GRM1: variants seen among roughly 807,000 people sequenced by gnomAD.
GRM1 encodes glutamate metabotropic receptor 1.
In GRM1, 33 loss-of-function variants were observed where a neutral mutation model predicts 90.9. That is an observed-to-expected ratio of 0.36 (90% CI 0.28 to 0.49). The LOEUF (loss-of-function observed/expected upper bound fraction) is 0.49, where lower values mean the gene tolerates loss of function less well. Among genes scored for constraint, GRM1 ranks in the 20% least tolerant of loss-of-function variants. The pLI, the probability that GRM1 is intolerant of heterozygous loss-of-function variation, is 0.99. For synonymous variants in GRM1, 700 were observed against 613.2 expected (o/e 1.14, Z -2.09); for missense variants, 1,190 against 1,534.3 (o/e 0.78, Z 3.75).
At chr6:146,236,420 G>A (rs1780647665) in intron 2 of GRM1, among the ~76,000 whole-genome samples, 1 of 152,120 alleles carries the variant, frequency 6.6e-6, no homozygotes, top group African/African-American at 2.4e-5. Context: ...CCTTGGAGAA[G>A]TGTTCGTTCT....
At chr6:146,140,117 C>CTTTCTTTCTT (rs1776805623) in intron 1 of GRM1, among the ~76,000 whole-genome samples, 1 of 118,462 alleles carries the variant, frequency 8.4e-6, no homozygotes, top group Non-Finnish European at 1.7e-5. Context: ...TTCTTTCTTT[C>CTTTCTTTCTT]TTTCTTTCTT....
At chr6:146,419,026 T>C (rs533873589) in intron 7 of GRM1, among the ~76,000 whole-genome samples, 34 of 152,240 alleles carry the variant, frequency 2.2e-4, no homozygotes, top group Admixed American at 1.9e-3. Context: ...GAATTAACAT[T>C]AATAACATAT....
chr6:146,230,485 A>G lies in GRM1; in HGVS notation c.950+70888A>G, dbSNP rs542454720. Among the ~76,000 whole-genome samples the G allele has an allele frequency of 1.8e-4, 27 of 152,300 alleles. No homozygotes were observed. The South Asian group carries it at 5.4e-3, about 30-fold the overall frequency. Reference sequence around the variant, plus strand: ...GAGATATCACCACAAACCTATTAGAATGGCCAAAATCCAGAACACTGACAA... The same window carrying G: ...GAGATATCACCACAAACCTATTAGAGTGGCCAAAATCCAGAACACTGACAA... On this transcript the variant is annotated intron_variant, in intron 2 of 7. Coordinates refer to ENST00000282753, the MANE Select transcript of GRM1 (RefSeq NM_001278064.2).
At chr6:146,206,414 T>G (rs538771794) in intron 2 of GRM1, among the ~76,000 whole-genome samples, 29 of 152,216 alleles carry the variant, frequency 1.9e-4, no homozygotes, top group Admixed American at 3.3e-4. Context: ...AGGGTTATCA[T>G]TCCTTAATAT....
intron 2 of GRM1, among the ~76,000 whole-genome samples, chr6:146,299,213 C>T (rs1032636002): frequency 2.6e-5 from 4 of 152,152 alleles, no homozygotes; most frequent in African/African-American, 7.2e-5. Context: ...TATTACGTGA[C>T]TCTTTAAAAA....
Position 146,435,100 on chromosome 6 carries a change from T to G in GRM1, c.*304T>G. The stretch of plus-strand genomic sequence containing the variant: ...TATGTAACTTTTATCACAAATCAAA[T>G]AGTGACATCACAAACATAATGTCCT... On this transcript the variant is annotated 3_prime_UTR_variant, in exon 8 of 8. Transcript: ENST00000282753. 2.0e-6 allele frequency: 1 copy of G among 499,870 alleles called. No homozygotes were observed. Among genetic ancestry groups the G allele is most frequent in the Non-Finnish European group, 3.7e-6 (1 of 273,610 alleles). 31.0% of individuals were successfully genotyped at this position (499,870 alleles called of 1,614,324 possible).
chr6:146,225,190 A>G (rs1780197338), intron 2 of GRM1, among the ~76,000 whole-genome samples: 1 of 152,092 alleles, frequency 6.6e-6, no homozygotes, highest in African/African-American at 2.4e-5. Context: ...CATGTGTGGG[A>G]GTGCGATCCT....
At chr6:146,253,058 C>CA (rs397826514) in intron 2 of GRM1, among the ~76,000 whole-genome samples, 31,000 of 147,596 alleles carry the variant, frequency 0.21, 7,015 homozygotes, top group African/African-American at 0.57. Flanking sequence ...ATCTCCATCT[C>CA]AAAAAAAAAA....
At chr6:146,318,772 T>G (rs965073200) in intron 3 of GRM1, among the ~76,000 whole-genome samples, 3 of 152,196 alleles carry the variant, frequency 2.0e-5, no homozygotes, top group Non-Finnish European at 4.4e-5. Flanking sequence ...GAGCTTTTTT[T>G]CATGTTTGTT....
chr6:146,284,545 G>A (rs1782690009), intron 2 of GRM1, among the ~76,000 whole-genome samples: 2 of 152,140 alleles, frequency 1.3e-5, no homozygotes, highest in Non-Finnish European at 2.9e-5. Context: ...ATCTCGCCTG[G>A]TATTGTAATC....
At chr6:146,334,527 G>C (rs565139746) in intron 3 of GRM1, among the ~76,000 whole-genome samples, 1 of 151,982 alleles carries the variant, frequency 6.6e-6, no homozygotes, top group Admixed American at 6.6e-5. Context: ...TTCCTCATAC[G>C]ATATTTAGAA....
At chr6:146,113,951 C>G (rs1775652249) in intron 1 of GRM1, among the ~76,000 whole-genome samples, 1 of 151,960 alleles carries the variant, frequency 6.6e-6, no homozygotes, top group Non-Finnish European at 1.5e-5. Context: ...GATTTCTTGC[C>G]CTAAACCTTG....
At chr6:146,347,234 T>A (rs566102033) in intron 3 of GRM1, among the ~76,000 whole-genome samples, 1 of 152,334 alleles carries the variant, frequency 6.6e-6, no homozygotes, top group Non-Finnish European at 1.5e-5. Context: ...GTAATGGGAC[T>A]GCTCCACTAG....
intron 1 of GRM1, among the ~76,000 whole-genome samples, chr6:146,117,601 T>A (rs533530829): frequency 3.3e-5 from 5 of 152,216 alleles, no homozygotes; most frequent in African/African-American, 9.6e-5. Context: ...TGTTTATTTT[T>A]ACTTATTTTA....
At position 146,399,340 on chromosome 6, in the gene GRM1, T is replaced by C. The variant is rs367715131; in HGVS notation, c.2301T>C (p.Cys767=). Residue 767 remains cysteine (C), a synonymous_variant, in exon 7 of 8, where the codon TGT becomes TGC. Transcript: ENST00000282753. This position sits in a 1 kb window ranked among gnomAD's most constrained non-coding sequence, Gnocchi z 5.4. ...ACAATGGACTCCTCATCATGAGCTGTACCTACTATGCCTTCAAGACCCGCA... is the reference window on the plus strand; with the variant it reads ...ACAATGGACTCCTCATCATGAGCTGCACCTACTATGCCTTCAAGACCCGCA... The part of the protein sequence containing the change: ...LGYNGLLIMS[C]TYYAFKTRNV... The C allele has an allele frequency of 6.2e-7, 1 of 1,614,036 alleles. No homozygotes were observed. Among genetic ancestry groups the C allele is most frequent in the Non-Finnish European group, 8.5e-7 (1 of 1,180,026 alleles).
chr6:146,328,877 C>T (rs1784491403), intron 3 of GRM1, among the ~76,000 whole-genome samples: 2 of 152,126 alleles, frequency 1.3e-5, no homozygotes, highest in Non-Finnish European at 2.9e-5. Flanking sequence ...GAGAAAAGAC[C>T]CCATGACCCT....
At position 146,198,909 on chromosome 6, in the gene GRM1, A is replaced by G. The variant is rs192376394; in HGVS notation, c.950+39312A>G. Among the ~76,000 whole-genome samples, 732 of 152,276 alleles carry G rather than the reference A, an allele frequency of 4.8e-3. 5 individuals carry two copies. The highest frequency in any genetic ancestry group is 0.02 in the Middle Eastern group (6 of 294). On this transcript the variant is annotated intron_variant, in intron 2 of 7. Transcript: ENST00000282753. Reference sequence around the variant, plus strand: ...ACTGAGCAAAGGATAGTGACTTTCTATTGAGGTAATTCCCTTCAGCCATCC... The same window carrying G: ...ACTGAGCAAAGGATAGTGACTTTCTGTTGAGGTAATTCCCTTCAGCCATCC...
intron 2 of GRM1, among the ~76,000 whole-genome samples, chr6:146,264,492 T>TTAA (rs1781807038): frequency 6.6e-6 from 1 of 152,074 alleles, no homozygotes; most frequent in South Asian, 2.1e-4. Context: ...CAATTGAAAA[T>TTAA]TAAGTATGAG....
intron 1 of GRM1, among the ~76,000 whole-genome samples, chr6:146,143,706 GA>G (rs1297684832): frequency 2.6e-5 from 4 of 152,064 alleles, no homozygotes; most frequent in Admixed American, 2.6e-4. Flanking sequence ...TATTGGGAAA[GA>G]AAAAAGCTGT....
Sources: allele counts gnomAD v4.1 joint callset (sites outside exome capture counted in the v4.1 genomes callset), GRCh38; gene constraint gnomAD v4.1.1; non-coding constraint Gnocchi (gnomAD v3.1); transcripts MANE v1.5; gene names NCBI Gene and HGNC (gene_info 2026-07-23, HGNC 2026-07-21).